The following POU6F2 variants were observed in gnomAD, a reference collection of about 807,000 sequenced individuals.
POU6F2 encodes POU domain, class 6, transcription factor 2.
POU6F2 carries 31 observed loss-of-function variants against 71.3 expected under a neutral mutation model. That is an observed-to-expected ratio of 0.43 (90% CI 0.33 to 0.59). The LOEUF is 0.59. Ranked by LOEUF, POU6F2 falls within the 20% of genes least tolerant of loss-of-function variation. The pLI, the probability that POU6F2 is intolerant of heterozygous loss-of-function variation, is 0.04. For synonymous variants in POU6F2, 347 were observed against 355.7 expected (o/e 0.98, Z 0.27); for missense variants, 783 against 856.8 (o/e 0.91, Z 1.07).
At chr7:39,323,295 T>C (rs1785436155) in intron 4 of POU6F2, among the ~76,000 whole-genome samples, 1 of 152,206 alleles carries the variant, frequency 6.6e-6, no homozygotes, top group Admixed American at 6.5e-5. Context: ...ACAGCTGCAC[T>C]CAGCTCCAGT....
intron 4 of POU6F2, among the ~76,000 whole-genome samples, chr7:39,275,947 C>A (rs1027911812): frequency 3.9e-4 from 59 of 151,874 alleles, no homozygotes; most frequent in African/African-American, 1.4e-3. Flanking sequence ...ACCATAAAAA[C>A]CCTAGAAGAA....
chr7:39,412,080 G>T (rs1787561226), intron 6 of POU6F2, among the ~76,000 whole-genome samples: 1 of 152,208 alleles, frequency 6.6e-6, no homozygotes, highest in African/African-American at 2.4e-5. Context: ...CCCAAACACT[G>T]TCACTTCTTA....
intron 1 of POU6F2, among the ~76,000 whole-genome samples, chr7:38,991,529 A>T (rs1351350068): frequency 6.6e-6 from 1 of 152,172 alleles, no homozygotes; most frequent in African/African-American, 2.4e-5. Context: ...TCAAATTCAC[A>T]TATAGGACTA....
intron 1 of POU6F2, among the ~76,000 whole-genome samples, chr7:39,068,963 C>A (rs1001668390): frequency 5.3e-5 from 8 of 152,124 alleles, no homozygotes; most frequent in African/African-American, 1.9e-4. Context: ...CTATATTTAA[C>A]CCCCTGACTC....
At chr7:39,285,376 C>G (rs190954912) in intron 4 of POU6F2, among the ~76,000 whole-genome samples, 1 of 152,294 alleles carries the variant, frequency 6.6e-6, no homozygotes, top group East Asian at 1.9e-4. Context: ...CCATGCTCAT[C>G]GTATGTCGTG....
At chr7:39,016,129 T>G (rs1484410439) in intron 1 of POU6F2, among the ~76,000 whole-genome samples, 1 of 115,982 alleles carries the variant, frequency 8.6e-6, no homozygotes, top group African/African-American at 3.3e-5. Context: ...TATATCTATA[T>G]TATACATTAT....
intron 8 of POU6F2, among the ~76,000 whole-genome samples, chr7:39,453,079 C>A (rs569952154): frequency 2.6e-5 from 4 of 152,224 alleles, no homozygotes; most frequent in African/African-American, 9.6e-5. Context: ...GCAGCAAGAG[C>A]AAAACTCCAT....
intron 2 of POU6F2, among the ~76,000 whole-genome samples, chr7:39,126,274 A>G (rs1281912439): frequency 4.6e-5 from 7 of 152,180 alleles, no homozygotes; most frequent in Non-Finnish European, 1.5e-5. Context: ...GGGAAAGGAA[A>G]AGGAAAGTGG....
Position 39,283,392 on chromosome 7 carries a change from C to G in POU6F2, c.599-56250C>G, listed in dbSNP as rs561368962. On this transcript the variant is annotated intron_variant, in intron 4 of 9. Transcript: ENST00000518318. ...TCCAGAACTTTTTCATCATCCCAAA[C>G]TCAAGCTCAGTACTCATTAAACAAA... Among the ~76,000 whole-genome samples, 4 of 152,272 alleles carry G rather than the reference C, an allele frequency of 2.6e-5. No homozygotes were observed. In the East Asian group the frequency reaches 7.7e-4, roughly 29 times the overall value.
intron 6 of POU6F2, among the ~76,000 whole-genome samples, chr7:39,419,005 GTGTATATATGTA>G (rs1220617300): frequency 7.1e-6 from 1 of 140,696 alleles, no homozygotes; most frequent in African/African-American, 2.6e-5. Context: ...GTGTATATAT[GTGTATATATGTA>G]TATATATGTG....
rs80178876 is a variant in POU6F2, at chr7:39,236,342, G to A, written c.598+28722G>A. On this transcript the variant is annotated intron_variant, in intron 4 of 9. Coordinates refer to ENST00000518318, the MANE Select transcript of POU6F2 (RefSeq NM_001370959.1). ...TATCATAGCACTTATATACATTTCA[G>A]TACCTGTCATTTTTCTCTGCTTCCA... is the stretch of plus-strand genomic sequence containing the variant. Among the ~76,000 whole-genome samples the A allele has an allele frequency of 4.2e-3, 634 of 152,230 alleles. 5 individuals carry two copies. Among genetic ancestry groups the A allele is most frequent in the African/African-American group, 0.015 (614 of 41,552 alleles).
intron 5 of POU6F2, among the ~76,000 whole-genome samples, chr7:39,344,658 C>G (rs564880267): frequency 2.0e-5 from 3 of 152,148 alleles, no homozygotes; most frequent in Non-Finnish European, 4.4e-5. Flanking sequence ...CCCTCCCCCC[C>G]CAGCAATTAG....
At chr7:39,034,795 T>C (rs2128710197) in intron 1 of POU6F2, among the ~76,000 whole-genome samples, 1 of 152,254 alleles carries the variant, frequency 6.6e-6, no homozygotes, top group South Asian at 2.1e-4. Flanking sequence ...AGTTTGCAAA[T>C]GCTGCTTTCA....
intron 4 of POU6F2, among the ~76,000 whole-genome samples, chr7:39,237,947 A>G (rs1794703300): frequency 6.6e-6 from 1 of 152,102 alleles, no homozygotes; most frequent in Non-Finnish European, 1.5e-5. Flanking sequence ...TCTCGTGTTG[A>G]TGGAACTCTC....
chr7:39,282,502 G>A (rs542004176), intron 4 of POU6F2, among the ~76,000 whole-genome samples: 3 of 152,196 alleles, frequency 2.0e-5, no homozygotes, highest in South Asian at 2.1e-4. Flanking sequence ...TCTGCATGGC[G>A]ATATCTAGTT....
chr7:39,250,737 A>G (rs560158658), intron 4 of POU6F2, among the ~76,000 whole-genome samples: 1 of 152,290 alleles, frequency 6.6e-6, no homozygotes, highest in South Asian at 2.1e-4. Flanking sequence ...CGGCCATTTC[A>G]TGTAATTAAT....
intron 2 of POU6F2, among the ~76,000 whole-genome samples, chr7:39,147,265 C>G (rs1792643410): frequency 6.6e-6 from 1 of 152,130 alleles, no homozygotes; most frequent in Non-Finnish European, 1.5e-5. Context: ...ACCACAATTA[C>G]TTTCTTACAA....
chr7:39,077,567 C>T (rs1193540233), intron 1 of POU6F2, among the ~76,000 whole-genome samples: 1 of 152,058 alleles, frequency 6.6e-6, no homozygotes, highest in African/African-American at 2.4e-5. Flanking sequence ...GAGGACGTGG[C>T]ATTCATGGTG....
chr7:38,984,691 G>C (rs1007946238), intron 1 of POU6F2, among the ~76,000 whole-genome samples: 1 of 152,046 alleles, frequency 6.6e-6, no homozygotes, highest in Non-Finnish European at 1.5e-5. Flanking sequence ...TTTTACAAGA[G>C]GTTAGCCAGT....
Sources: allele counts gnomAD v4.1 joint callset (sites outside exome capture counted in the v4.1 genomes callset), GRCh38; gene constraint gnomAD v4.1.1; transcripts MANE v1.5; gene names NCBI Gene and HGNC (gene_info 2026-07-23, HGNC 2026-07-21).